Variants in GLIS3 observed in about 807,000 individuals in gnomAD.
GLIS3 encodes the protein zinc finger protein GLIS3.
GLIS3 carries 53 observed loss-of-function variants against 78.6 expected under a neutral mutation model. That is an observed-to-expected ratio of 0.67 (90% CI 0.54 to 0.85). The LOEUF (loss-of-function observed/expected upper bound fraction) is 0.85. Ranked by LOEUF, GLIS3 falls within the 40% of genes least tolerant of loss-of-function variation. The probability of loss-of-function intolerance (pLI) is 0.00; values close to 1 mark genes in which losing one functional copy is unlikely to be tolerated. For missense variants in GLIS3, 1,703 were observed against 1,231.1 expected (o/e 1.38, Z -5.74); for synonymous variants, 684 against 509.9 (o/e 1.34, Z -4.60).
Position 3,829,476 on chromosome 9 carries a change from C to T in GLIS3, c.2490G>A (p.Leu830=). 2 of 1,614,114 alleles carry T rather than the reference C, an allele frequency of 1.2e-6. No individual in the cohort carries two copies. Among genetic ancestry groups the T allele is most frequent in the Non-Finnish European group, 1.7e-6 (2 of 1,179,992 alleles). The change falls in exon 10 of 11, where the codon CTG becomes CTA. Residue 830 remains leucine, a synonymous_variant. Transcript: ENST00000381971. ...GIHVHGFYGQ[L]QKFCPPHYPD... ...GGTAGTGTGGGGGACAGAACTTCTG[C>T]AGCTGCCCATAAAATCCTGAAACGC...
chr9:3,969,114 T>C lies in GLIS3; in HGVS notation c.1711-31925A>G, dbSNP rs117194876. On this transcript the variant is annotated intron_variant, in intron 4 of 10. Coordinates refer to ENST00000381971, the MANE Select transcript of GLIS3 (RefSeq NM_001042413.2). The stretch of plus-strand genomic sequence containing the variant: ...TCACCTCTAGGTTCATTTTTCCCCT[T>C]GTCTGCTTTGTCACCAAGGTGTAGT... Among the ~76,000 whole-genome samples, 68 of 152,332 alleles carry C rather than the reference T, an allele frequency of 4.5e-4. No individual in the cohort carries two copies. The East Asian group carries it at 9.6e-3, about 22-fold the overall frequency.
At chr9:4,239,458 G>C (rs1334538417) in intron 2 of GLIS3, among the ~76,000 whole-genome samples, 1 of 152,044 alleles carries the variant, frequency 6.6e-6, no homozygotes, top group Non-Finnish European at 1.5e-5. Flanking sequence ...AGGCTGCAGG[G>C]TTGGGGCTAT....
chr9:4,395,372 T>A, the GLIS3 span, among the ~76,000 whole-genome samples: 369 of 152,310 alleles, frequency 2.4e-3, no homozygotes, highest in African/African-American at 8.2e-3. Context: ...TCCCTTCTCA[T>A]TTATTACAGT....
chr9:4,278,197 A>T (rs973433333), intron 2 of GLIS3, among the ~76,000 whole-genome samples: 1 of 152,186 alleles, frequency 6.6e-6, no homozygotes, highest in African/African-American at 2.4e-5. Flanking sequence ...TTTAATTGGA[A>T]CTCACTATCT....
chr9:4,483,720 T>TC, the GLIS3 span, among the ~76,000 whole-genome samples: 1 of 137,348 alleles, frequency 7.3e-6, no homozygotes, highest in African/African-American at 2.9e-5. Flanking sequence ...GACTTCGTCT[T>TC]GGGAAAAAAA....
At chr9:4,427,728 G>A in the GLIS3 span, among the ~76,000 whole-genome samples, 5,595 of 151,518 alleles carry the variant, frequency 0.037, 173 homozygotes, top group Admixed American at 0.097. Flanking sequence ...GTGTGGTGGT[G>A]TGCACCTGCA....
chr9:3,991,942 G>A lies in GLIS3; in HGVS notation c.1711-54753C>T, dbSNP rs185002008. ...CCTGACTTCGTGATCCGCCCGCCTC[G>A]GCCTCCCAAAGTGCTGGGATTACAG... is the stretch of plus-strand genomic sequence containing the variant. On this transcript the variant is annotated intron_variant, in intron 4 of 10. Transcript: ENST00000381971. Among the ~76,000 whole-genome samples the A allele has an allele frequency of 9.1e-4, 138 of 152,094 alleles. 1 individual carries two copies. The highest frequency in any genetic ancestry group is 3.4e-3 in the Middle Eastern group (1 of 294).
chr9:4,171,345 G>T (rs551396934), intron 2 of GLIS3, among the ~76,000 whole-genome samples: 1 of 152,244 alleles, frequency 6.6e-6, no homozygotes, highest in South Asian at 2.1e-4. Flanking sequence ...TAATAAGAAA[G>T]ATTCCGTAGA....
At chr9:4,075,872 T>C (rs1828006408) in intron 4 of GLIS3, among the ~76,000 whole-genome samples, 1 of 152,222 alleles carries the variant, frequency 6.6e-6, no homozygotes, top group South Asian at 2.1e-4. Context: ...CATACAGCAT[T>C]ATTCCATTTA....
intron 2 of GLIS3, among the ~76,000 whole-genome samples, chr9:4,153,114 T>C (rs1011150249): frequency 2.6e-5 from 4 of 152,280 alleles, no homozygotes; most frequent in Non-Finnish European, 5.9e-5. Context: ...TTAAACTCTG[T>C]CTAGACATTG....
intron 4 of GLIS3, among the ~76,000 whole-genome samples, chr9:3,973,277 G>A (rs908744300): frequency 2.0e-5 from 3 of 152,108 alleles, no homozygotes; most frequent in African/African-American, 4.8e-5. Flanking sequence ...GGTGTCTAGA[G>A]TTTTTATTAG....
intron 4 of GLIS3, among the ~76,000 whole-genome samples, chr9:4,041,115 C>T (rs775806684): frequency 1.3e-5 from 2 of 152,208 alleles, no homozygotes; most frequent in Non-Finnish European, 2.9e-5. Flanking sequence ...TGGCCATGTC[C>T]AGTAGTGACT....
chr9:4,256,033 T>A (rs1172951794), intron 2 of GLIS3, among the ~76,000 whole-genome samples: 1 of 152,108 alleles, frequency 6.6e-6, no homozygotes, highest in African/African-American at 2.4e-5. Context: ...AAAAACTAAG[T>A]CTATTTTTTT....
chr9:4,185,149 G>A (rs769755846), intron 2 of GLIS3, among the ~76,000 whole-genome samples: 4 of 152,062 alleles, frequency 2.6e-5, no homozygotes, highest in African/African-American at 7.2e-5. Flanking sequence ...TCAACTTTCC[G>A]TCCCTATCAA....
At chr9:4,053,522 GAGGGC>G (rs1238380696) in intron 4 of GLIS3, among the ~76,000 whole-genome samples, 27 of 151,694 alleles carry the variant, frequency 1.8e-4, no homozygotes, top group Non-Finnish European at 4.4e-5. Flanking sequence ...TAAACTCCAC[GAGGGC>G]AGGACTGTTC....
chr9:4,067,817 A>AT (rs1827232152), intron 4 of GLIS3, among the ~76,000 whole-genome samples: 3 of 151,778 alleles, frequency 2.0e-5, no homozygotes, highest in African/African-American at 7.3e-5. Flanking sequence ...AAAAAAATAT[A>AT]TGGTTACCAG....
At chr9:4,368,435 C>A in the GLIS3 span, among the ~76,000 whole-genome samples, 1 of 151,652 alleles carries the variant, frequency 6.6e-6, no homozygotes, top group South Asian at 2.1e-4. Context: ...AGCTCCGCTT[C>A]CCGGGTTCAC....
intron 4 of GLIS3, among the ~76,000 whole-genome samples, chr9:4,001,837 C>T (rs1359261578): frequency 6.6e-6 from 1 of 152,200 alleles, no homozygotes; most frequent in Non-Finnish European, 1.5e-5. Context: ...GATACATCTT[C>T]ATTGTTCCCA....
the GLIS3 span, among the ~76,000 whole-genome samples, chr9:4,382,009 C>T: frequency 6.6e-6 from 1 of 152,200 alleles, no homozygotes; most frequent in Non-Finnish European, 1.5e-5. Context: ...GACAGCTCCT[C>T]TTCAGTTTCA....
Sources: gnomAD v4.1 joint callset for allele counts (sites outside exome capture counted in the v4.1 genomes callset) on GRCh38, gnomAD v4.1.1 for gene constraint, MANE v1.5 for transcripts, NCBI Gene and HGNC (gene_info 2026-07-23, HGNC 2026-07-21) for gene names.